NAV2: variants seen among roughly 807,000 people sequenced by gnomAD.
NAV2 encodes the protein helicase, APC down-regulated 1.
A neutral mutation model predicts 223.2 loss-of-function variants in NAV2; 54 were observed. The ratio of observed to expected loss-of-function variants is 0.24; its 90% CI spans 0.19 to 0.30. NAV2 has a LOEUF of 0.30. Among genes scored for constraint, NAV2 ranks in the 10% least tolerant of loss-of-function variants. The probability of loss-of-function intolerance (pLI) is 1.00; values close to 1 mark genes in which losing one functional copy is unlikely to be tolerated. For missense variants in NAV2, 2,806 were observed against 3,147.5 expected (o/e 0.89, Z 2.60); for synonymous variants, 1,279 against 1,239.3 (o/e 1.03, Z -0.67).
At chr11:20,079,861 A>T (rs2059980888) in intron 24 of NAV2, among the ~76,000 whole-genome samples, 1 of 152,212 alleles carries the variant, frequency 6.6e-6, no homozygotes, top group Admixed American at 6.5e-5. Context: ...GGGGAGAGAT[A>T]GACCTCATTT....
At chr11:19,418,101 C>T (rs1397297336) in intron 1 of NAV2, among the ~76,000 whole-genome samples, 1 of 152,086 alleles carries the variant, frequency 6.6e-6, no homozygotes, top group Non-Finnish European at 1.5e-5. Context: ...ACATGTATCT[C>T]AGAACTCAAA....
intron 1 of NAV2, among the ~76,000 whole-genome samples, chr11:19,624,115 T>C (rs554884246): frequency 6.6e-6 from 1 of 152,192 alleles, no homozygotes; most frequent in Non-Finnish European, 1.5e-5. Flanking sequence ...TGCTGCCTGA[T>C]TGTTCCTCTG....
intron 10 of NAV2, among the ~76,000 whole-genome samples, chr11:19,955,823 G>A (rs1193235269): frequency 1.3e-5 from 2 of 152,204 alleles, no homozygotes; most frequent in African/African-American, 2.4e-5. Context: ...TTGATAGGCT[G>A]TTGTTTCTGG....
chr11:19,364,961 A>G (rs75689897), intron 1 of NAV2, among the ~76,000 whole-genome samples: 2,351 of 152,348 alleles, frequency 0.015, 74 homozygotes, highest in African/African-American at 0.054. Context: ...TTCTGTAGGA[A>G]GATCTCTGGG....
intron 1 of NAV2, among the ~76,000 whole-genome samples, chr11:19,570,609 TA>T (rs1413014349): frequency 6.6e-6 from 1 of 151,968 alleles, no homozygotes; most frequent in Admixed American, 6.6e-5. Flanking sequence ...ATAAACCAAT[TA>T]AAAAGTGAGC....
Position 20,045,327 on chromosome 11 carries a change from A to C in NAV2, c.3559A>C (p.Asn1187His), listed in dbSNP as rs2057326779. The change falls in exon 14 of 38, where the codon AAC (asparagine) becomes CAC (histidine). Residue 1187 changes from asparagine (N) to histidine (H), a missense_variant. By Grantham distance (68) the Asn-to-His change is moderately conservative. This residue lies in a region of NAV2 where 742 missense variants were observed against 777.9 expected (regional missense o/e 0.95). Transcript: ENST00000349880. ...DGYLALSSRTNLQYRSLPRPS... is the reference protein window; with the variant it reads ...DGYLALSSRTHLQYRSLPRPS... ...GTATCTAGCCCTAAGCTCCCGGACA[A>C]ACCTTCAGTACCGGAGTTTGCCGAG... is the stretch of plus-strand genomic sequence containing the variant. 1.2e-6 allele frequency: 2 copies of C among 1,614,046 alleles called. No homozygotes were observed. Among genetic ancestry groups the C allele is most frequent in the South Asian group, 2.2e-5 (2 of 91,084 alleles).
At chr11:19,867,020 T>C (rs2062135976) in intron 3 of NAV2, among the ~76,000 whole-genome samples, 1 of 152,154 alleles carries the variant, frequency 6.6e-6, no homozygotes, top group African/African-American at 2.4e-5. Flanking sequence ...CTAGTGTCTC[T>C]TTTGGGGGGC....
intron 1 of NAV2, among the ~76,000 whole-genome samples, chr11:19,373,302 C>G (rs1848532100): frequency 6.6e-6 from 1 of 152,186 alleles, no homozygotes; most frequent in Non-Finnish European, 1.5e-5. Flanking sequence ...CACCTGTGCT[C>G]CAGCCTCATG....
intron 1 of NAV2, among the ~76,000 whole-genome samples, chr11:19,499,402 G>A (rs1033060418): frequency 6.6e-6 from 1 of 152,238 alleles, no homozygotes; most frequent in African/African-American, 2.4e-5. Flanking sequence ...GAAAGGGCAG[G>A]TATTCTGTTT....
intron 5 of NAV2, among the ~76,000 whole-genome samples, chr11:19,883,989 G>GA (rs112852382): frequency 9.9e-5 from 15 of 152,150 alleles, no homozygotes; most frequent in African/African-American, 3.1e-4. Flanking sequence ...ACTTGTGAGG[G>GA]ACCCCATATT....
intron 6 of NAV2, among the ~76,000 whole-genome samples, chr11:19,932,491 G>A (rs1002322655): frequency 2.0e-5 from 3 of 152,068 alleles, no homozygotes; most frequent in East Asian, 1.9e-4. Flanking sequence ...GCTAATTTTT[G>A]TATTTTTAGT....
At chr11:19,586,821 G>T (rs901080933) in intron 1 of NAV2, among the ~76,000 whole-genome samples, 1 of 152,222 alleles carries the variant, frequency 6.6e-6, no homozygotes, top group Non-Finnish European at 1.5e-5. Context: ...GCTACTTGGG[G>T]GTCAGGGACC....
intron 1 of NAV2, among the ~76,000 whole-genome samples, chr11:19,438,895 A>ATT (rs61163656): frequency 7.3e-4 from 109 of 148,986 alleles, no homozygotes; most frequent in African/African-American, 1.9e-3. Flanking sequence ...AAGTTTAGAG[A>ATT]TTTTTTTTTT....
chr11:19,926,494 C>A (rs1467147633), intron 6 of NAV2, among the ~76,000 whole-genome samples: 3 of 152,156 alleles, frequency 2.0e-5, no homozygotes, highest in Non-Finnish European at 4.4e-5. Context: ...TCCAGCCAGG[C>A]TCCAAGAACC....
chr11:20,005,253 A>ATATTTTTT (rs1277010848), intron 11 of NAV2, among the ~76,000 whole-genome samples: 1 of 134,554 alleles, frequency 7.4e-6, no homozygotes, highest in African/African-American at 2.8e-5. Context: ...ATATATATAT[A>ATATTTTTT]TTTTTTTTTT....
At chr11:19,459,792 TA>T (rs1412214257) in intron 1 of NAV2, among the ~76,000 whole-genome samples, 3 of 152,174 alleles carry the variant, frequency 2.0e-5, no homozygotes, top group African/African-American at 7.2e-5. Flanking sequence ...GGAGCCAGGG[TA>T]AGGAATTTAG....
At chr11:19,407,040 C>T (rs1849926988) in intron 1 of NAV2, among the ~76,000 whole-genome samples, 1 of 152,174 alleles carries the variant, frequency 6.6e-6, no homozygotes, top group Non-Finnish European at 1.5e-5. Context: ...GATGGAGGCT[C>T]ATTTGGATGG....
chr11:20,091,893 G>A (rs757856940), intron 27 of NAV2, among the ~76,000 whole-genome samples: 3 of 152,170 alleles, frequency 2.0e-5, no homozygotes, highest in Non-Finnish European at 4.4e-5. Context: ...AAAGAAGCCT[G>A]TAAAAGCCAG....
intron 1 of NAV2, among the ~76,000 whole-genome samples, chr11:19,579,244 T>C (rs952247251): frequency 6.6e-6 from 1 of 152,224 alleles, no homozygotes; most frequent in Non-Finnish European, 1.5e-5. Flanking sequence ...CAAATGGATA[T>C]AATAAGACTT....
Sources: allele counts gnomAD v4.1 joint callset (sites outside exome capture counted in the v4.1 genomes callset), GRCh38; gene constraint gnomAD v4.1.1; regional missense constraint gnomAD v4.1.1; transcripts MANE v1.5; gene names NCBI Gene and HGNC (gene_info 2026-07-23, HGNC 2026-07-21).